The following VPS35L variants were observed in gnomAD, a reference collection of about 807,000 sequenced individuals.
VPS35L encodes VPS35 endosomal protein-sorting factor-like.
VPS35L carries 83 observed loss-of-function variants against 133.0 expected under a neutral mutation model. That is an observed-to-expected ratio of 0.62 (90% CI 0.52 to 0.75). The LOEUF (loss-of-function observed/expected upper bound fraction) is 0.75. Ranked by LOEUF, VPS35L falls within the 30% of genes least tolerant of loss-of-function variation. The pLI is 0.00. For synonymous variants in VPS35L, 423 were observed against 449.9 expected (o/e 0.94, Z 0.76); for missense variants, 1,083 against 1,206.8 (o/e 0.90, Z 1.52).
chr16:19,680,863 T>C (rs1975247403), intron 27 of VPS35L, among the ~76,000 whole-genome samples: 1 of 151,652 alleles, frequency 6.6e-6, no homozygotes, highest in Non-Finnish European at 1.5e-5. Flanking sequence ...GCTGTGATTG[T>C]GCCACTGTAC....
chr16:19,598,273 T>G (rs1382648694), intron 8 of VPS35L, among the ~76,000 whole-genome samples: 1 of 152,170 alleles, frequency 6.6e-6, no homozygotes, highest in Non-Finnish European at 1.5e-5. Context: ...GTAAATGACC[T>G]TGAATAGTGC....
intron 7 of VPS35L, among the ~76,000 whole-genome samples, chr16:19,585,607 G>A (rs531210774): frequency 6.6e-6 from 1 of 151,864 alleles, no homozygotes; most frequent in East Asian, 1.9e-4. Context: ...GCCATGCTGT[G>A]TTGCTCAGTC....
intron 5 of VPS35L, among the ~76,000 whole-genome samples, chr16:19,577,681 G>A (rs955360586): frequency 5.3e-5 from 8 of 152,066 alleles, no homozygotes; most frequent in Non-Finnish European, 1.0e-4. Flanking sequence ...CCAAGATGAT[G>A]GTATTAGGAG....
rs1975831055 is a variant in VPS35L, at chr16:19,694,485, TTTC to T, written c.2646+3017_2646+3019del. The T allele has an allele frequency of 2.6e-5, 4 of 152,156 alleles. No homozygotes were observed. In the South Asian group the frequency reaches 8.3e-4, roughly 32 times the overall value. The allele number at this position is 152,156 out of a possible 1,614,324, so 9.4% of individuals were successfully genotyped here. A position where few individuals can be genotyped will look rare whatever the true frequency, so the allele number is the denominator to read the frequency against. Reference sequence around the variant, plus strand: ...GTCTTAGCTTTTTCCCCTGATTTCTTTTCTTTTTTTTTTTTTCTTCCAGAGACA... The same window carrying T: ...GTCTTAGCTTTTTCCCCTGATTTCTTTTTTTTTTTTTTTCTTCCAGAGACA... On this transcript the variant is annotated intron_variant, in intron 29 of 30. Coordinates refer to ENST00000417362, the MANE Select transcript of VPS35L (RefSeq NM_020314.7).
At chr16:19,652,400 G>T in intron 26 of VPS35L, 1 of 217,644 alleles carries the variant, frequency 4.6e-6, no homozygotes, top group Non-Finnish European at 9.2e-6. Flanking sequence ...GAACTCCTGG[G>T]CTCAAATGTT....
intron 1 of VPS35L, among the ~76,000 whole-genome samples, chr16:19,563,566 C>G (rs1048653247): frequency 6.6e-6 from 1 of 152,200 alleles, no homozygotes; most frequent in Non-Finnish European, 1.5e-5. Flanking sequence ...TAGGCCTTCT[C>G]TTCACGTTGC....
rs1973531147 is a variant in VPS35L, at chr16:19,633,724, G to GC, written c.1635+552_1635+553insC. Among the ~76,000 whole-genome samples, 1 of 150,636 alleles carries GC rather than the reference G, an allele frequency of 6.6e-6. No homozygotes were observed. The highest frequency in any genetic ancestry group is 6.6e-5 in the Admixed American group (1 of 15,082). Reference sequence around the variant, plus strand: ...CCAGATTTACTAGCTGTTAACATTTGTTTTTTTTTGTTTTTGTTTTTGTTT... The same window carrying GC: ...CCAGATTTACTAGCTGTTAACATTTGCTTTTTTTTTGTTTTTGTTTTTGTTT... On this transcript the variant is annotated intron_variant, in intron 19 of 30. Coordinates refer to ENST00000417362, the MANE Select transcript of VPS35L (RefSeq NM_020314.7). This position sits in a 1 kb window ranked among gnomAD's most constrained non-coding sequence, Gnocchi z 4.1.
chr16:19,613,147 C>T (rs1263841806), intron 12 of VPS35L, among the ~76,000 whole-genome samples: 1 of 152,054 alleles, frequency 6.6e-6, no homozygotes, highest in Non-Finnish European at 1.5e-5. Context: ...CTAAAAAATA[C>T]AAAAAATTAG....
chr16:19,673,324 G>C (rs547532474), intron 27 of VPS35L, among the ~76,000 whole-genome samples: 7 of 152,308 alleles, frequency 4.6e-5, no homozygotes, highest in African/African-American at 1.7e-4. Flanking sequence ...ATCTCCCCTT[G>C]AAAAATCAGG....
At chr16:19,581,755 G>A in intron 7 of VPS35L, 102 bp downstream of exon 7, 1 of 1,332,360 alleles carries the variant, frequency 7.5e-7, no homozygotes, top group South Asian at 1.3e-5. Flanking sequence ...TCTTACTCTT[G>A]TTTTCTCATC....
intron 12 of VPS35L, among the ~76,000 whole-genome samples, chr16:19,613,028 C>T (rs562580647): frequency 1.8e-4 from 27 of 152,256 alleles, no homozygotes; most frequent in African/African-American, 5.5e-4. Context: ...AGACCAAGCG[C>T]GGTGGCTCAT....
chr16:19,672,459 A>T (rs1236170556), intron 27 of VPS35L, among the ~76,000 whole-genome samples: 1 of 152,226 alleles, frequency 6.6e-6, no homozygotes, highest in Non-Finnish European at 1.5e-5. Context: ...ACTGAATTGT[A>T]CATTTTAGCA....
Position 19,660,612 on chromosome 16 carries a change from G to A in VPS35L, c.2221+8522G>A, listed in dbSNP as rs1452256986. On this transcript the variant is annotated intron_variant, in intron 26 of 30. Coordinates refer to ENST00000417362, the MANE Select transcript of VPS35L (RefSeq NM_020314.7). ...AAGGTGGGATGGGTTATCACTTCTTGACTGTCACTTATGATTCATGTATTG... is the reference window on the plus strand; with the variant it reads ...AAGGTGGGATGGGTTATCACTTCTTAACTGTCACTTATGATTCATGTATTG... Among the ~76,000 whole-genome samples, 4 of 152,142 alleles carry A rather than the reference G, an allele frequency of 2.6e-5. No homozygotes were observed. The East Asian group carries it at 7.7e-4, about 29-fold the overall frequency.
At chr16:19,666,296 C>G (rs183073257) in intron 26 of VPS35L, among the ~76,000 whole-genome samples, 16 of 152,010 alleles carry the variant, frequency 1.1e-4, no homozygotes, top group Admixed American at 9.2e-4. Flanking sequence ...TTCTGTAGGT[C>G]TTTAAAAAAA....
intron 3 of VPS35L, among the ~76,000 whole-genome samples, chr16:19,570,166 G>A (rs889954503): frequency 6.6e-6 from 1 of 152,140 alleles, no homozygotes; most frequent in South Asian, 2.1e-4. Flanking sequence ...CCGGGTTCAA[G>A]CAATTCTCTC....
chr16:19,674,994 C>T (rs9924363), intron 27 of VPS35L, among the ~76,000 whole-genome samples: 3 of 149,718 alleles, frequency 2.0e-5, no homozygotes, highest in Non-Finnish European at 4.4e-5. Context: ...TCTGTTATCC[C>T]GGCTGGAGTG....
intron 26 of VPS35L, among the ~76,000 whole-genome samples, chr16:19,653,235 G>A (rs1974189987): frequency 6.6e-6 from 1 of 152,206 alleles, no homozygotes; most frequent in Admixed American, 6.5e-5. Flanking sequence ...AGTGTTTGCT[G>A]CAGGACACCC....
At chr16:19,610,649 A>G (rs1040631771) in intron 12 of VPS35L, 13 of 357,768 alleles carry the variant, frequency 3.6e-5, no homozygotes, top group Non-Finnish European at 6.5e-5. Flanking sequence ...GTTTAAGGTC[A>G]TCTTCTTACA....
chr16:19,666,927 T>TCTTTCTTTCTTCCTTTCTTCCTTTCTTC (rs1974699235), intron 26 of VPS35L, among the ~76,000 whole-genome samples: 27 of 62,888 alleles, frequency 4.3e-4, no homozygotes, highest in African/African-American at 1.7e-3. Flanking sequence ...TTTCTTTCTT[T>TCTTTCTTTCTTCCTTTCTTCCTTTCTTC]CTTTCTTCCT....
Sources: gnomAD v4.1 joint callset for allele counts (sites outside exome capture counted in the v4.1 genomes callset) on GRCh38, gnomAD v4.1.1 for gene constraint, Gnocchi (gnomAD v3.1) non-coding constraint, MANE v1.5 for transcripts, NCBI Gene and HGNC (gene_info 2026-07-23, HGNC 2026-07-21) for gene names.